The following CCNY variants were observed in gnomAD, a reference collection of about 807,000 sequenced individuals.
CCNY encodes the protein cyclin-Y.
A neutral mutation model predicts 42.8 loss-of-function variants in CCNY; 19 were observed. That is an observed-to-expected ratio of 0.44 (90% CI 0.31 to 0.65). The LOEUF (loss-of-function observed/expected upper bound fraction) is 0.65, where lower values mean the gene tolerates loss of function less well. Ranked by LOEUF, CCNY falls within the 30% of genes least tolerant of loss-of-function variation. The pLI, the probability that CCNY is intolerant of heterozygous loss-of-function variation, is 0.07. For missense variants in CCNY, 370 were observed against 437.3 expected (o/e 0.85, Z 1.37); for synonymous variants, 165 against 162.7 (o/e 1.01, Z -0.11).
chr10:35,278,659 A>G (rs1054862598), intron 3 of CCNY, among the ~76,000 whole-genome samples: 1 of 152,154 alleles, frequency 6.6e-6, no homozygotes, highest in African/African-American at 2.4e-5. Flanking sequence ...AGGCAATTCT[A>G]TAGGGTGCTC....
intron 3 of CCNY, among the ~76,000 whole-genome samples, chr10:35,306,008 T>A (rs1835602160): frequency 6.6e-6 from 1 of 152,200 alleles, no homozygotes; most frequent in African/African-American, 2.4e-5. Context: ...TGTGTAATTT[T>A]TTACTTAAAA....
At chr10:35,350,044 C>T (rs767041770) in intron 1 of CCNY, among the ~76,000 whole-genome samples, 1 of 152,190 alleles carries the variant, frequency 6.6e-6, no homozygotes, top group Non-Finnish European at 1.5e-5. Flanking sequence ...AGCCCTATGT[C>T]TCCTCCTCCA....
Position 35,569,364 on chromosome 10 carries a change from G to A in CCNY, c.*194G>A, listed in dbSNP as rs1043554115. ...GTCAGTGCCCTGGAGATCCCAGCTC[G>A]CTCTCCCCACTGTCAGCAACAGCAC... On this transcript the variant is annotated 3_prime_UTR_variant, in exon 10 of 10. Coordinates refer to ENST00000374704, the MANE Select transcript of CCNY (RefSeq NM_145012.6). 6.9e-5 allele frequency: 40 copies of A among 581,374 alleles called. No individual in the cohort carries two copies. Among genetic ancestry groups the A allele is most frequent in the Admixed American group, 1.2e-4 (4 of 33,688 alleles). The allele number at this position is 581,374 out of a possible 1,614,324, so 36.0% of individuals were successfully genotyped here. A position where few individuals can be genotyped will look rare whatever the true frequency, so the allele number is the denominator to read the frequency against.
chr10:35,413,327 C>T (rs756597766), intron 1 of CCNY, among the ~76,000 whole-genome samples: 1 of 151,984 alleles, frequency 6.6e-6, no homozygotes, highest in Non-Finnish European at 1.5e-5. Flanking sequence ...GGTGGTGAGT[C>T]AGTGGATATT....
chr10:35,252,704 C>A (rs7083266), intron 3 of CCNY, among the ~76,000 whole-genome samples: 56,168 of 151,230 alleles, frequency 0.37, 10,877 homozygotes, highest in African/African-American at 0.49. Flanking sequence ...TCTTGTTTTA[C>A]TTTTTGACAG....
intron 1 of CCNY, among the ~76,000 whole-genome samples, chr10:35,448,915 AC>A (rs957210345): frequency 1.3e-5 from 2 of 151,710 alleles, no homozygotes; most frequent in Admixed American, 1.3e-4. Flanking sequence ...TGTGGGTTAG[AC>A]CCTGAGGCAT....
chr10:35,275,385 G>T (rs917520570), intron 3 of CCNY, among the ~76,000 whole-genome samples: 6 of 151,852 alleles, frequency 4.0e-5, no homozygotes, highest in Non-Finnish European at 5.9e-5. Flanking sequence ...TTGTTCCTGT[G>T]AGAGAAAGGA....
At chr10:35,266,634 G>A (rs2095725829) in intron 3 of CCNY, among the ~76,000 whole-genome samples, 1 of 152,120 alleles carries the variant, frequency 6.6e-6, no homozygotes, top group Admixed American at 6.6e-5. Flanking sequence ...TGCAATGTCG[G>A]TCACAGAGAT....
intron 1 of CCNY, among the ~76,000 whole-genome samples, chr10:35,428,174 G>A (rs1219733054): frequency 1.3e-5 from 2 of 152,192 alleles, no homozygotes; most frequent in Admixed American, 1.3e-4. Context: ...CTGCTCTTGT[G>A]TTCTTTACAG....
chr10:35,471,510 A>G (rs561360719), intron 1 of CCNY, among the ~76,000 whole-genome samples: 2 of 152,314 alleles, frequency 1.3e-5, no homozygotes, highest in South Asian at 2.1e-4. Flanking sequence ...TGTTACTGTG[A>G]CATCTGTGGA....
chr10:35,488,991 T>C (rs1245196906), intron 2 of CCNY, among the ~76,000 whole-genome samples: 1 of 152,186 alleles, frequency 6.6e-6, no homozygotes, highest in Non-Finnish European at 1.5e-5. Flanking sequence ...TATAAAAATA[T>C]GACCTAGGCC....
At chr10:35,293,404 C>G (rs1835436814) in intron 3 of CCNY, among the ~76,000 whole-genome samples, 1 of 152,116 alleles carries the variant, frequency 6.6e-6, no homozygotes, top group Non-Finnish European at 1.5e-5. Context: ...GTGAGTCTGT[C>G]AATTTTGTTC....
chr10:35,420,392 C>T (rs541714200), intron 1 of CCNY, among the ~76,000 whole-genome samples: 4 of 152,302 alleles, frequency 2.6e-5, no homozygotes, highest in South Asian at 2.1e-4. Flanking sequence ...TTTCCTGGCT[C>T]TCTCTCACTT....
At chr10:35,446,967 A>T (rs867024338) in intron 1 of CCNY, among the ~76,000 whole-genome samples, 3 of 152,236 alleles carry the variant, frequency 2.0e-5, no homozygotes, top group Admixed American at 2.0e-4. Context: ...ACATATAGTT[A>T]CCATGTAGGT....
intron 7 of CCNY, among the ~76,000 whole-genome samples, chr10:35,547,190 T>TA (rs1161071513): frequency 1.3e-5 from 2 of 152,208 alleles, no homozygotes; most frequent in Admixed American, 1.3e-4. Flanking sequence ...TCTGAAGAGT[T>TA]ACGATGTTCA....
In CCNY at chr10:35,328,475, C is replaced by T. The variant is rs74344943; in HGVS notation, c.-9+77849C>T. Reference sequence around the variant, plus strand: ...ATTCATTAAAACGTAGCATCATATACTTTGCCAAGGTAAAGTCTCCAGGAA... The same window carrying T: ...ATTCATTAAAACGTAGCATCATATATTTTGCCAAGGTAAAGTCTCCAGGAA... On this transcript the variant is annotated intron_variant, in intron 3 of 11. Coordinates refer to the CCNY transcript ENST00000374706. Among the ~76,000 whole-genome samples the T allele has an allele frequency of 9.2e-3, 1,401 of 152,288 alleles. 14 individuals are homozygous for T. Among genetic ancestry groups the T allele is most frequent in the Middle Eastern group, 0.017 (5 of 294 alleles).
chr10:35,316,653 CA>C (rs998905707), intron 3 of CCNY, among the ~76,000 whole-genome samples: 12 of 151,362 alleles, frequency 7.9e-5, no homozygotes, highest in African/African-American at 1.2e-4. Context: ...GATATCCAGC[CA>C]AAAAAAAGTT....
chr10:35,247,830 C>T (rs1159714099), intron 1 of CCNY, among the ~76,000 whole-genome samples: 29 of 125,382 alleles, frequency 2.3e-4, no homozygotes, highest in Middle Eastern at 4.9e-3. Context: ...GAGCAGAGAT[C>T]GCGCCACTGC....
In CCNY at chr10:35,529,965, C is replaced by T. The variant is rs1589184963; in HGVS notation, c.402-8C>T. The T allele has an allele frequency of 1.9e-6, 3 of 1,610,728 alleles. No homozygotes were observed. Among genetic ancestry groups the T allele is most frequent in the Non-Finnish European group, 2.5e-6 (3 of 1,177,308 alleles). On this transcript the variant is annotated splice_region_variant and splice_polypyrimidine_tract_variant and intron_variant, in intron 5 of 9. Transcript: ENST00000374704. ...GTAAGTTTCATTTTCTATTATTTTC[C>T]CTACCAGGGACCCAGATGGAAGGAT...
Sources: gnomAD v4.1 joint callset for allele counts (sites outside exome capture counted in the v4.1 genomes callset) on GRCh38, gnomAD v4.1.1 for gene constraint, MANE v1.5 for transcripts, NCBI Gene and HGNC (gene_info 2026-07-23, HGNC 2026-07-21) for gene names.